The following MOXD1 variants were observed in gnomAD, a reference collection of about 807,000 sequenced individuals.
The protein encoded by MOXD1 is DBH-like monooxygenase protein 1.
MOXD1 carries 62 observed loss-of-function variants against 66.6 expected under a neutral mutation model. That is an observed-to-expected ratio of 0.93 (90% confidence interval 0.76 to 1.15). MOXD1 has a LOEUF of 1.15. Among genes scored for constraint, MOXD1 ranks in the 50% most tolerant of loss-of-function variants. The pLI is 0.00. For synonymous variants in MOXD1, 303 were observed against 281.9 expected, an observed-to-expected ratio of 1.07 and a Z score of -0.75; for missense variants, 847 against 754.6, an observed-to-expected ratio of 1.12 and a Z score of -1.44.
chr6:132,349,423 A>ATG (rs1491099549), intron 4 of MOXD1, among the ~76,000 whole-genome samples: 1 of 61,046 alleles, frequency 1.6e-5, no homozygotes, highest in Non-Finnish European at 2.6e-5. Flanking sequence ...ATATATATAC[A>ATG]TATATATATA....
rs1776284585 is a variant in MOXD1, at chr6:132,372,552, T to A, written c.663+56A>T. On this transcript the variant is annotated intron_variant, in intron 4 of 11. Coordinates refer to ENST00000367963, the MANE Select transcript of MOXD1 (RefSeq NM_015529.4). ...TTTTACTGTTTTCATTATATTAACA[T>A]CAATTTATTTTTCCACTCATGAAAA... The A allele has an allele frequency of 2.1e-6, 3 of 1,407,762 alleles. No homozygotes were observed. In the African/African-American group the frequency reaches 4.3e-5, roughly 20 times the overall value. 87.2% of individuals were successfully genotyped at this position (1,407,762 alleles called of 1,614,324 possible).
At chr6:132,315,568 G>A in intron 10 of MOXD1, 67 bp downstream of exon 10, 1 of 1,493,790 alleles carries the variant, frequency 6.7e-7, no homozygotes, top group Non-Finnish European at 9.1e-7. Context: ...AATGGATCCA[G>A]TATGACAATA....
chr6:132,392,413 T>C lies in MOXD1; in HGVS notation c.264+8750A>G, dbSNP rs904690455. ...CAACAGGCATATTCAACAACGTTGC[T>C]CTCTTCTCTAATTCACACAAACTCA... On this transcript the variant is annotated intron_variant, in intron 1 of 11. Transcript: ENST00000367963. 9 of 1,411,644 alleles carry C rather than the reference T, an allele frequency of 6.4e-6. No individual in the cohort carries two copies. In the African/African-American group the frequency reaches 1.0e-4, roughly 16 times the overall value. The allele number at this position is 1,411,644 out of a possible 1,614,324, so 87.4% of individuals were successfully genotyped here.
intron 4 of MOXD1, among the ~76,000 whole-genome samples, chr6:132,365,407 T>C (rs1225745207): frequency 6.6e-6 from 1 of 152,154 alleles, no homozygotes; most frequent in Admixed American, 6.5e-5. Context: ...AAAGCATGCA[T>C]GTCAGGAACT....
Position 132,324,104 on chromosome 6 carries a change from C to A in MOXD1, c.947-7G>T. On this transcript the variant is annotated splice_region_variant and splice_polypyrimidine_tract_variant and intron_variant, in intron 6 of 11. Coordinates refer to ENST00000367963, the MANE Select transcript of MOXD1 (RefSeq NM_015529.4). ...CCAGAATTATCTATTAAGCCTAGAA[C>A]AAAAGCACATAATTAAAGTGATTTT... 1.2e-6 allele frequency: 2 copies of A among 1,607,494 alleles called. No homozygotes were observed. The highest frequency in any genetic ancestry group is 1.7e-6 in the Non-Finnish European group (2 of 1,177,472).
At chr6:132,360,587 A>G (rs1775998835) in intron 4 of MOXD1, among the ~76,000 whole-genome samples, 3 of 149,650 alleles carry the variant, frequency 2.0e-5, no homozygotes, top group Non-Finnish European at 3.0e-5. Context: ...TGCCCAAACA[A>G]TCACTGCTTT....
At chr6:132,346,197 T>C (rs1265024900) in intron 4 of MOXD1, among the ~76,000 whole-genome samples, 1 of 152,152 alleles carries the variant, frequency 6.6e-6, no homozygotes, top group Non-Finnish European at 1.5e-5. Flanking sequence ...ACTTAGGTTT[T>C]TACTTAGTAA....
chr6:132,316,174 C>T (rs1582566151), intron 9 of MOXD1, among the ~76,000 whole-genome samples: 1 of 151,700 alleles, frequency 6.6e-6, no homozygotes, highest in Non-Finnish European at 1.5e-5. Flanking sequence ...CTGCATACGA[C>T]GGGGAGAAAG....
intron 4 of MOXD1, among the ~76,000 whole-genome samples, chr6:132,351,672 G>A (rs1324791606): frequency 6.6e-6 from 1 of 151,990 alleles, no homozygotes; most frequent in East Asian, 1.9e-4. Flanking sequence ...AATTAGGGAG[G>A]GTTCTCCCTT....
Position 132,328,132 on chromosome 6 carries a change from C to G in MOXD1, c.844-17G>C. 1 of 1,593,380 alleles carries G rather than the reference C, an allele frequency of 6.3e-7. No individual in the cohort carries two copies. On this transcript the variant is annotated splice_polypyrimidine_tract_variant and intron_variant, in intron 5 of 11. Transcript: ENST00000367963. ...AGAAAAGCCCTAAATATGGAAAATG[C>G]CATGAGACAATGTCCTATGAAAGTC...
chr6:132,308,365 G>A (rs1774744678), intron 10 of MOXD1, among the ~76,000 whole-genome samples: 1 of 152,162 alleles, frequency 6.6e-6, no homozygotes, highest in Non-Finnish European at 1.5e-5. Context: ...TTCTGAAGTT[G>A]AGGCAGTAAT....
At chr6:132,306,941 G>A (rs1280355634) in intron 10 of MOXD1, among the ~76,000 whole-genome samples, 3 of 152,218 alleles carry the variant, frequency 2.0e-5, no homozygotes, top group Admixed American at 1.3e-4. Flanking sequence ...ACACTATGAA[G>A]AAACTGCATC....
chr6:132,354,315 A>G (rs372984293), intron 4 of MOXD1, among the ~76,000 whole-genome samples: 6 of 152,298 alleles, frequency 3.9e-5, no homozygotes, highest in Admixed American at 3.3e-4. Context: ...GGTGAAGGCT[A>G]CTGTTCAGAT....
chr6:132,337,417 G>T (rs17637818), intron 4 of MOXD1, among the ~76,000 whole-genome samples: 2 of 151,966 alleles, frequency 1.3e-5, no homozygotes, highest in Non-Finnish European at 2.9e-5. Context: ...TTGGACCTGC[G>T]TAAGTTAAAA....
At chr6:132,297,533 T>C (rs1001911471) in intron 11 of MOXD1, among the ~76,000 whole-genome samples, 1 of 152,004 alleles carries the variant, frequency 6.6e-6, no homozygotes, top group Non-Finnish European at 1.5e-5. Flanking sequence ...GCAGGCTCTA[T>C]TGCTTTTTGC....
chr6:132,317,895 T>C (rs540734184), intron 9 of MOXD1, among the ~76,000 whole-genome samples: 10 of 152,186 alleles, frequency 6.6e-5, no homozygotes, highest in African/African-American at 2.4e-4. Flanking sequence ...GAAGTATGTA[T>C]CCCTAAACAA....
intron 4 of MOXD1, among the ~76,000 whole-genome samples, chr6:132,362,636 A>G (rs902538433): frequency 6.6e-6 from 1 of 152,194 alleles, no homozygotes; most frequent in African/African-American, 2.4e-5. Flanking sequence ...GTAGCTTTTT[A>G]CAGATCGTTA....
At chr6:132,376,889 T>C (rs1350506284) in intron 1 of MOXD1, among the ~76,000 whole-genome samples, 4 of 152,180 alleles carry the variant, frequency 2.6e-5, no homozygotes, top group Non-Finnish European at 4.4e-5. Flanking sequence ...TCAAATCACA[T>C]CTATCAGATA....
intron 4 of MOXD1, among the ~76,000 whole-genome samples, chr6:132,365,504 T>C (rs896256872): frequency 6.6e-6 from 1 of 152,174 alleles, no homozygotes; most frequent in East Asian, 1.9e-4. Flanking sequence ...AGAAAGAGCC[T>C]ATTGAGGTCA....
Sources: gnomAD v4.1 joint callset for allele counts (sites outside exome capture counted in the v4.1 genomes callset) on GRCh38, gnomAD v4.1.1 for gene constraint, MANE v1.5 for transcripts, NCBI Gene and HGNC (gene_info 2026-07-23, HGNC 2026-07-21) for gene names.